Variants in TMEM178B observed in about 807,000 individuals in gnomAD.
TMEM178B encodes the protein transmembrane protein 178B.
In TMEM178B, 5 loss-of-function variants were observed where a neutral mutation model predicts 31.0. The observed-to-expected ratio is 0.16, with a 90% confidence interval of 0.08 to 0.34. TMEM178B has a LOEUF of 0.34. TMEM178B is among the 10% of genes least tolerant of loss of function. TMEM178B has a pLI of 1.00. For missense variants in TMEM178B, 275 were observed against 400.3 expected (o/e 0.69, Z 2.67); for synonymous variants, 164 against 164.0 (o/e 1.00, Z 0.00).
chr7:141,451,896 G>C (rs368716760), intron 3 of TMEM178B, among the ~76,000 whole-genome samples: 26 of 152,260 alleles, frequency 1.7e-4, no homozygotes, highest in African/African-American at 5.8e-4. Flanking sequence ...GCTTCTTGGA[G>C]ATGTGCTTAC....
intron 2 of TMEM178B, among the ~76,000 whole-genome samples, chr7:141,275,852 G>A (rs568332584): frequency 2.0e-5 from 3 of 152,316 alleles, no homozygotes; most frequent in Admixed American, 2.0e-4. Context: ...GAGCCTGGAA[G>A]CATCATTGCT....
chr7:141,089,302 G>C (rs1321877659), intron 1 of TMEM178B, among the ~76,000 whole-genome samples: 1 of 152,198 alleles, frequency 6.6e-6, no homozygotes, highest in African/African-American at 2.4e-5. Flanking sequence ...GCACTGGACA[G>C]GCAGACTTGG....
chr7:141,497,781 C>T, the TMEM178B span, among the ~76,000 whole-genome samples: 25 of 152,162 alleles, frequency 1.6e-4, no homozygotes, highest in Non-Finnish European at 3.2e-4. Context: ...TAGCAGAAGC[C>T]AGAGTTATTC....
intron 2 of TMEM178B, among the ~76,000 whole-genome samples, chr7:141,304,179 A>AT (rs1020959103): frequency 2.6e-5 from 4 of 152,184 alleles, no homozygotes; most frequent in African/African-American, 4.8e-5. Context: ...AATTGGTTCG[A>AT]TTTTTTAAAA....
chr7:141,093,635 G>T (rs1794913146), intron 1 of TMEM178B, among the ~76,000 whole-genome samples: 1 of 152,182 alleles, frequency 6.6e-6, no homozygotes. Context: ...TAAGCCCTGG[G>T]GCACTCCAGC....
At chr7:141,377,725 C>A (rs906027685) in intron 2 of TMEM178B, among the ~76,000 whole-genome samples, 2 of 151,964 alleles carry the variant, frequency 1.3e-5, no homozygotes, top group African/African-American at 2.4e-5. Flanking sequence ...TAAAACATAT[C>A]AAAAATAAAT....
chr7:141,372,513 A>G (rs1284090055), intron 2 of TMEM178B, among the ~76,000 whole-genome samples: 1 of 152,106 alleles, frequency 6.6e-6, no homozygotes, highest in Non-Finnish European at 1.5e-5. Flanking sequence ...TATAAAATGC[A>G]TATATCTGCT....
intron 2 of TMEM178B, among the ~76,000 whole-genome samples, chr7:141,275,642 T>A (rs1342280560): frequency 6.6e-6 from 1 of 152,250 alleles, no homozygotes; most frequent in Non-Finnish European, 1.5e-5. Flanking sequence ...ACCTCTCTGC[T>A]TACCTTGCTC....
intron 2 of TMEM178B, among the ~76,000 whole-genome samples, chr7:141,304,165 T>A (rs1453550094): frequency 2.0e-5 from 3 of 152,188 alleles, no homozygotes; most frequent in African/African-American, 7.2e-5. Flanking sequence ...AGTATGTGGT[T>A]ATTAATTGGT....
intron 2 of TMEM178B, among the ~76,000 whole-genome samples, chr7:141,366,209 C>G (rs780018360): frequency 1.3e-5 from 2 of 152,122 alleles, no homozygotes; most frequent in Admixed American, 1.3e-4. Flanking sequence ...TTTACTGGAT[C>G]CCTGGAGACC....
At chr7:141,499,158 A>C in the TMEM178B span, among the ~76,000 whole-genome samples, 1 of 152,188 alleles carries the variant, frequency 6.6e-6, no homozygotes, top group Non-Finnish European at 1.5e-5. Flanking sequence ...TGTGCTTTAG[A>C]CAATGTTTTT....
chr7:141,086,907 C>T (rs542251397), intron 1 of TMEM178B, among the ~76,000 whole-genome samples: 3 of 152,046 alleles, frequency 2.0e-5, no homozygotes, highest in Non-Finnish European at 4.4e-5. Context: ...GGGCTCTTAT[C>T]GAACTCCTGA....
chr7:141,285,453 TG>T (rs1268149673), intron 2 of TMEM178B, among the ~76,000 whole-genome samples: 1 of 151,978 alleles, frequency 6.6e-6, no homozygotes, highest in Non-Finnish European at 1.5e-5. Context: ...CCACTGCGCC[TG>T]GCCAATTCAG....
chr7:141,398,180 A>T (rs774812184), intron 2 of TMEM178B, among the ~76,000 whole-genome samples: 13 of 152,158 alleles, frequency 8.5e-5, no homozygotes, highest in Non-Finnish European at 1.5e-4. Context: ...TCAAAAGCAA[A>T]CTTTAGGATA....
intron 3 of TMEM178B, among the ~76,000 whole-genome samples, chr7:141,464,752 T>A (rs945815266): frequency 2.0e-5 from 3 of 152,108 alleles, no homozygotes; most frequent in Non-Finnish European, 4.4e-5. Context: ...TCCTTCCCCA[T>A]CATCACAGTT....
At chr7:141,225,817 T>G (rs1419201238) in intron 2 of TMEM178B, among the ~76,000 whole-genome samples, 1 of 152,190 alleles carries the variant, frequency 6.6e-6, no homozygotes, top group Non-Finnish European at 1.5e-5. Context: ...TGCCCCTTGA[T>G]GTGCCCTGTG....
At chr7:141,267,734 A>G (rs765676503) in intron 2 of TMEM178B, among the ~76,000 whole-genome samples, 2 of 152,172 alleles carry the variant, frequency 1.3e-5, no homozygotes, top group Non-Finnish European at 2.9e-5. Context: ...ACATTTTTAT[A>G]TTTAATTTAT....
chr7:141,162,866 A>C (rs377004082), intron 1 of TMEM178B, among the ~76,000 whole-genome samples: 4 of 152,222 alleles, frequency 2.6e-5, no homozygotes, highest in East Asian at 3.8e-4. Context: ...ATGTGGTGCC[A>C]AGCGTGCATG....
chr7:141,464,317 G>A (rs142348646), intron 3 of TMEM178B, among the ~76,000 whole-genome samples: 17 of 152,086 alleles, frequency 1.1e-4, no homozygotes, highest in Non-Finnish European at 2.5e-4. Context: ...GTTGCTACTG[G>A]ATATTTATGA....
Sources: gnomAD v4.1 joint callset for allele counts (sites outside exome capture counted in the v4.1 genomes callset) on GRCh38, gnomAD v4.1.1 for gene constraint, MANE v1.5 for transcripts, NCBI Gene and HGNC (gene_info 2026-07-23, HGNC 2026-07-21) for gene names.